The following TRMT9B variants were observed in gnomAD, a reference collection of about 807,000 sequenced individuals.
TRMT9B encodes the protein probable tRNA methyltransferase 9B.
Under a neutral mutation model 11.5 loss-of-function variants are expected in TRMT9B, and 16 were observed. That is an observed-to-expected ratio of 1.39 (90% CI 0.94 to 2.11). The LOEUF (loss-of-function observed/expected upper bound fraction) is 2.11. Ranked by LOEUF, TRMT9B falls within the 30% of genes most tolerant of loss-of-function variation. The pLI, the probability that TRMT9B is intolerant of heterozygous loss-of-function variation, is 0.00. For missense variants in TRMT9B, 941 were observed against 553.8 expected (o/e 1.70, Z -7.02); for synonymous variants, 274 against 192.4 (o/e 1.42, Z -3.51).
intron 1 of TRMT9B, chr8:12,958,886 T>C (rs999635038): frequency 2.0e-5 from 3 of 152,102 alleles, no homozygotes; most frequent in South Asian, 2.1e-4. Context: ...TAGGTGGGAA[T>C]TGAACAATGA....
At chr8:12,967,013 C>A (rs1011126010) in intron 1 of TRMT9B, among the ~76,000 whole-genome samples, 6 of 152,158 alleles carry the variant, frequency 3.9e-5, no homozygotes, top group African/African-American at 1.2e-4. Context: ...CAGACACCGA[C>A]GGTGAATACT....
Position 12,997,826 on chromosome 8 carries a change from C to T in TRMT9B, c.-2+6795C>T, listed in dbSNP as rs531147677. Among the ~76,000 whole-genome samples the T allele has an allele frequency of 1.2e-4, 18 of 152,222 alleles. No individual in the cohort carries two copies. In the South Asian group the frequency reaches 3.5e-3, roughly 30 times the overall value. ...TGTAGCTTTAGTTGTTGCTGTCAGG[C>T]GGTTTTCCAAACAGATTGAAACAAT... On this transcript the variant is annotated intron_variant, in intron 2 of 4. Transcript: ENST00000524591.
intron 1 of TRMT9B, among the ~76,000 whole-genome samples, chr8:12,984,223 A>T (rs181842953): frequency 6.6e-6 from 1 of 152,230 alleles, no homozygotes; most frequent in African/African-American, 2.4e-5. Context: ...CTTGGGTCTC[A>T]TCTCTAAGAA....
At chr8:13,015,728 A>G (rs1436415358) in intron 4 of TRMT9B, among the ~76,000 whole-genome samples, 1 of 152,152 alleles carries the variant, frequency 6.6e-6, no homozygotes, top group African/African-American at 2.4e-5. Context: ...AAGGGGATAT[A>G]GACCACCTTT....
At chr8:13,010,589 T>G (rs2128893528) in intron 3 of TRMT9B, 1 of 985,392 alleles carries the variant, frequency 1.0e-6, no homozygotes, top group East Asian at 1.1e-4. Flanking sequence ...TCTAGGGCAC[T>G]GGAAGCATGT....
At position 13,021,415 on chromosome 8, in the gene TRMT9B, T is replaced by C. The variant is rs61731894; in HGVS notation, c.736T>C (p.Ser246Pro). Residue 246 changes from serine to proline, a missense_variant, in exon 5 of 5, where the codon TCG (serine) becomes CCG (proline). Ser to Pro is a moderately conservative substitution (Grantham distance 74, BLOSUM62 -1). Coordinates refer to ENST00000524591, the MANE Select transcript of TRMT9B (RefSeq NM_020844.3). ...EYGFYSTLGKSFRSWFFSRSL... is the reference protein window; with the variant it reads ...EYGFYSTLGKPFRSWFFSRSL... ...TGGATTTTACAGCACATTAGGAAAA[T>C]CGTTTCGTTCCTGGTTTTTCTCCAG... The C allele has an allele frequency of 3.4e-4, 549 of 1,613,852 alleles. 1 individual carries two copies. The highest frequency in any genetic ancestry group is 3.8e-4 in the Admixed American group (23 of 60,000).
At chr8:12,984,740 T>G (rs1357890701) in intron 1 of TRMT9B, among the ~76,000 whole-genome samples, 1 of 152,146 alleles carries the variant, frequency 6.6e-6, no homozygotes, top group Non-Finnish European at 1.5e-5. Context: ...TATATTTTCA[T>G]TTTTCTTCAC....
intron 3 of TRMT9B, chr8:13,007,619 A>C (rs1810726199): frequency 6.6e-6 from 1 of 152,180 alleles, no homozygotes; most frequent in Admixed American, 6.5e-5. Context: ...GTCTTTGAAA[A>C]ATATCTCTAT....
In TRMT9B at chr8:13,006,318, T is replaced by C; in HGVS notation, c.116T>C (p.Leu39Pro). Residue 39 changes from leucine to proline, a missense_variant, in exon 3 of 5, where the codon CTG (leucine) becomes CCG (proline). Coordinates refer to ENST00000524591, the MANE Select transcript of TRMT9B (RefSeq NM_020844.3). ...SKAWPRVRQF[L>P]QEQKPGSLIA... ...GCCTGGCCTCGTGTCCGCCAGTTCC[T>C]GCAAGAGCAGAAGCCAGGCAGCCTC... is the stretch of plus-strand genomic sequence containing the variant. 6.2e-7 allele frequency: 1 copy of C among 1,613,464 alleles called. No homozygotes were observed. Among genetic ancestry groups the C allele is most frequent in the Non-Finnish European group, 8.5e-7 (1 of 1,179,852 alleles).
At chr8:12,976,985 G>A (rs754849584) in intron 1 of TRMT9B, among the ~76,000 whole-genome samples, 1 of 152,208 alleles carries the variant, frequency 6.6e-6, no homozygotes, top group East Asian at 1.9e-4. Flanking sequence ...TCATGCCCCA[G>A]ATGGAGGCCT....
intron 2 of TRMT9B, among the ~76,000 whole-genome samples, chr8:13,001,172 C>G (rs1809366258): frequency 6.6e-6 from 1 of 152,180 alleles, no homozygotes; most frequent in Non-Finnish European, 1.5e-5. Flanking sequence ...TAAAAATGGA[C>G]TCCCTAACAC....
chr8:12,977,195 C>G (rs1804589796), intron 1 of TRMT9B, among the ~76,000 whole-genome samples: 1 of 152,222 alleles, frequency 6.6e-6, no homozygotes, highest in Non-Finnish European at 1.5e-5. Flanking sequence ...ATGGCTGATT[C>G]CCTTGAAGCT....
At chr8:12,988,635 A>T (rs911907498) in intron 1 of TRMT9B, among the ~76,000 whole-genome samples, 3 of 152,064 alleles carry the variant, frequency 2.0e-5, no homozygotes, top group African/African-American at 4.8e-5. Flanking sequence ...AAACCATCAG[A>T]TCTCTTGAGA....
chr8:13,012,523 C>T (rs368418221), intron 3 of TRMT9B, 161 bp from the exon 4 acceptor site: 7 of 906,442 alleles, frequency 7.7e-6, no homozygotes, highest in African/African-American at 6.8e-5. Flanking sequence ...TGCAGTGAAC[C>T]GAGATTGCGC....
In TRMT9B at chr8:12,959,516, C is replaced by CTCTT. The variant is rs757156112; in HGVS notation, c.-200+13551_-200+13552insCTTT. Among the ~76,000 whole-genome samples, 65 of 74,936 alleles carry CTCTT rather than the reference C, an allele frequency of 8.7e-4. 1 individual carries two copies. The highest frequency in any genetic ancestry group is 3.1e-3 in the African/African-American group (62 of 19,962). 49.2% of individuals were successfully genotyped at this position (74,936 alleles called of 152,430 possible). On this transcript the variant is annotated intron_variant, in intron 1 of 4. Transcript: ENST00000524591. ...TCTCCTCTCCTTTCCTTTTTCCTTC[C>CTCTT]TTTTTTTTTTTTTTTTTTTTTTTGA...
chr8:12,976,390 G>A (rs962397967), intron 1 of TRMT9B, among the ~76,000 whole-genome samples: 15 of 150,380 alleles, frequency 1.0e-4, no homozygotes, highest in African/African-American at 3.2e-4. Context: ...TCACTATAAA[G>A]TGAATTTCTT....
intron 2 of TRMT9B, among the ~76,000 whole-genome samples, chr8:13,005,013 G>T (rs1810174739): frequency 6.6e-6 from 1 of 150,726 alleles, no homozygotes; most frequent in Non-Finnish European, 1.5e-5. Context: ...GGGGGAACTT[G>T]CTACAGAGGT....
intron 1 of TRMT9B, among the ~76,000 whole-genome samples, chr8:12,977,697 C>T (rs1033117627): frequency 6.6e-6 from 1 of 151,862 alleles, no homozygotes; most frequent in African/African-American, 2.4e-5. Context: ...AAGACTCTGT[C>T]TCAAAAACAA....
chr8:13,021,336 T>A lies in TRMT9B; in HGVS notation c.657T>A (p.Pro219=), dbSNP rs771058912. The A allele has an allele frequency of 2.5e-6, 4 of 1,613,916 alleles. No individual in the cohort carries two copies. The Admixed American group carries it at 6.7e-5, about 27-fold the overall frequency. The stretch of plus-strand genomic sequence containing the variant: ...GGTCCCACAGCGTGGGCTATGAACC[T>A]GCTATGGCAAGAACCTGTTTTGCAA... ...SKRSHSVGYE[P]AMARTCFANI... is the part of the protein sequence containing the mutation. Residue 219 remains proline (P), a synonymous_variant, in exon 5 of 5, where the codon CCT becomes CCA. Transcript: ENST00000524591.
Sources: allele counts gnomAD v4.1 joint callset (sites outside exome capture counted in the v4.1 genomes callset), GRCh38; gene constraint gnomAD v4.1.1; transcripts MANE v1.5; gene names NCBI Gene and HGNC (gene_info 2026-07-23, HGNC 2026-07-21).